The following RANBP17 variants were observed in gnomAD, a reference collection of about 807,000 sequenced individuals.
RANBP17 encodes RAN binding protein 17.
RANBP17 carries 158 observed loss-of-function variants against 141.2 expected under a neutral mutation model. The ratio of observed to expected loss-of-function variants is 1.12; its 90% CI spans 0.98 to 1.28. The LOEUF is 1.28. RANBP17 is among the 50% of genes most tolerant of loss of function. RANBP17 has a pLI of 0.00. For missense variants in RANBP17, 1,438 were observed against 1,290.7 expected, an observed-to-expected ratio of 1.11 and a Z score of -1.75; for synonymous variants, 430 against 450.0, an observed-to-expected ratio of 0.96 and a Z score of 0.56.
At chr5:171,110,396 G>A (rs1427508421) in intron 14 of RANBP17, among the ~76,000 whole-genome samples, 1 of 152,106 alleles carries the variant, frequency 6.6e-6, no homozygotes, top group Non-Finnish European at 1.5e-5. Flanking sequence ...AGCCCTTCTA[G>A]TGTTGTAGCA....
At chr5:171,069,607 G>T (rs559408992) in intron 14 of RANBP17, among the ~76,000 whole-genome samples, 1 of 152,202 alleles carries the variant, frequency 6.6e-6, no homozygotes, top group South Asian at 2.1e-4. Flanking sequence ...TTCATTTTCA[G>T]TACAGTGTTC....
At chr5:171,230,426 G>T (rs115496259) in intron 22 of RANBP17, among the ~76,000 whole-genome samples, 1 of 152,234 alleles carries the variant, frequency 6.6e-6, no homozygotes, top group Non-Finnish European at 1.5e-5. Context: ...AGTGAGAGAC[G>T]CCCAGTTAGT....
At chr5:171,206,879 G>GT in intron 20 of RANBP17, 1 of 185,476 alleles carries the variant, frequency 5.4e-6, no homozygotes, top group Non-Finnish European at 1.1e-5. Flanking sequence ...CATGCACATG[G>GT]TTTTTATCTA....
chr5:170,966,762 T>C (rs1321471207), intron 13 of RANBP17, among the ~76,000 whole-genome samples: 3 of 152,108 alleles, frequency 2.0e-5, no homozygotes, highest in Non-Finnish European at 4.4e-5. Context: ...TTGTCCCTGT[T>C]TGCAGATGAC....
At chr5:171,193,403 A>T (rs1161560375) in intron 18 of RANBP17, among the ~76,000 whole-genome samples, 2 of 150,986 alleles carry the variant, frequency 1.3e-5, no homozygotes, top group African/African-American at 4.9e-5. Context: ...ATTTAATTAG[A>T]TGCCATGTGC....
intron 5 of RANBP17, among the ~76,000 whole-genome samples, chr5:170,897,772 G>A (rs1254007484): frequency 1.3e-5 from 2 of 152,146 alleles, no homozygotes; most frequent in Non-Finnish European, 2.9e-5. Flanking sequence ...GTATTCCATG[G>A]TGTATATGTG....
intron 14 of RANBP17, among the ~76,000 whole-genome samples, chr5:171,072,836 A>G (rs1784705798): frequency 6.6e-6 from 1 of 152,178 alleles, no homozygotes; most frequent in African/African-American, 2.4e-5. Flanking sequence ...AACTAGGAAC[A>G]ACCAAGATGT....
chr5:171,056,897 C>T (rs1472647866), intron 14 of RANBP17, among the ~76,000 whole-genome samples: 1 of 152,090 alleles, frequency 6.6e-6, no homozygotes, highest in Non-Finnish European at 1.5e-5. Context: ...CTTTTCTTTT[C>T]CTCCTTTTTC....
intron 14 of RANBP17, among the ~76,000 whole-genome samples, chr5:170,998,190 A>C (rs1262231367): frequency 1.3e-5 from 2 of 152,110 alleles, no homozygotes; most frequent in Non-Finnish European, 2.9e-5. Context: ...ACTTAGTTGC[A>C]CAGTATGCTA....
intron 16 of RANBP17, among the ~76,000 whole-genome samples, chr5:171,177,547 C>T (rs751118278): frequency 1.3e-5 from 2 of 152,166 alleles, no homozygotes; most frequent in Non-Finnish European, 2.9e-5. Flanking sequence ...TGATAACCTT[C>T]ATTATCTTTC....
intron 8 of RANBP17, among the ~76,000 whole-genome samples, chr5:170,914,503 C>A (rs1221829916): frequency 6.6e-6 from 1 of 152,054 alleles, no homozygotes; most frequent in African/African-American, 2.4e-5. Flanking sequence ...CCTACCAATC[C>A]CTAAATACAT....
chr5:171,282,731 C>T (rs996820939), intron 25 of RANBP17, among the ~76,000 whole-genome samples: 4 of 152,044 alleles, frequency 2.6e-5, no homozygotes, highest in Non-Finnish European at 4.4e-5. Flanking sequence ...CCACCTGCCT[C>T]GGCCTCCCAA....
At chr5:170,980,805 C>A (rs1266639826) in intron 14 of RANBP17, among the ~76,000 whole-genome samples, 1 of 152,210 alleles carries the variant, frequency 6.6e-6, no homozygotes, top group East Asian at 1.9e-4. Flanking sequence ...ACACAGAGTC[C>A]CTACTGGGGC....
In RANBP17 at chr5:171,109,263, A is replaced by G. The variant is rs185009581; in HGVS notation, c.1711-60867A>G. On this transcript the variant is annotated intron_variant, in intron 14 of 27. Coordinates refer to ENST00000523189, the MANE Select transcript of RANBP17 (RefSeq NM_022897.5). ...TTGCCTTTTTTATGAATTTCAAATT[A>G]TCTATTATAGTTTAAAGATAACTGC... 9.2e-5 allele frequency among the ~76,000 whole-genome samples: 14 copies of G among 152,312 alleles called. No individual in the cohort carries two copies. The East Asian group carries it at 2.1e-3, about 23-fold the overall frequency.
intron 14 of RANBP17, among the ~76,000 whole-genome samples, chr5:171,149,952 T>C (rs1758352832): frequency 6.6e-6 from 1 of 152,176 alleles, no homozygotes; most frequent in African/African-American, 2.4e-5. Context: ...ACGTAAGTAC[T>C]AGTGAACAGA....
intron 14 of RANBP17, among the ~76,000 whole-genome samples, chr5:171,053,307 A>G (rs577484809): frequency 1.3e-5 from 2 of 152,244 alleles, no homozygotes; most frequent in South Asian, 2.1e-4. Flanking sequence ...CCCATCACTC[A>G]GGTACTGAAC....
At chr5:171,042,050 A>G (rs1036724557) in intron 14 of RANBP17, among the ~76,000 whole-genome samples, 2 of 152,110 alleles carry the variant, frequency 1.3e-5, no homozygotes, top group Admixed American at 6.6e-5. Flanking sequence ...AGCTCTATCC[A>G]TGTCCCTGCA....
chr5:171,281,566 C>G (rs943186702), intron 25 of RANBP17, among the ~76,000 whole-genome samples: 1 of 152,106 alleles, frequency 6.6e-6, no homozygotes, highest in African/African-American at 2.4e-5. Flanking sequence ...ACACTTGATC[C>G]AATTCCGTAC....
chr5:171,169,191 A>C (rs915372460), intron 14 of RANBP17, among the ~76,000 whole-genome samples: 3 of 152,194 alleles, frequency 2.0e-5, no homozygotes, highest in Non-Finnish European at 4.4e-5. Context: ...ATAAAAAACA[A>C]AAGACAGAGG....
Sources: allele counts gnomAD v4.1 joint callset (sites outside exome capture counted in the v4.1 genomes callset), GRCh38; gene constraint gnomAD v4.1.1; transcripts MANE v1.5; gene names NCBI Gene and HGNC (gene_info 2026-07-23, HGNC 2026-07-21).